The following MED23 variants were observed in gnomAD, a reference collection of about 807,000 sequenced individuals.
MED23 encodes mediator complex subunit 23.
Under a neutral mutation model 163.9 loss-of-function variants are expected in MED23, and 105 were observed. That is an observed-to-expected ratio of 0.64 (90% CI 0.55 to 0.75). The LOEUF (loss-of-function observed/expected upper bound fraction) is 0.75. Ranked by LOEUF, MED23 falls within the 30% of genes least tolerant of loss-of-function variation. MED23 has a pLI of 0.00. For synonymous variants in MED23, 561 were observed against 565.6 expected (o/e 0.99, Z 0.12); for missense variants, 1,054 against 1,649.0 (o/e 0.64, Z 6.25).
At chr6:131,579,097 C>A in intron 30 of MED23, 3 of 1,613,742 alleles carry the variant, frequency 1.9e-6, no homozygotes, top group Non-Finnish European at 2.5e-6. Context: ...TAACTCAAAA[C>A]TTTTTAATTT....
chr6:131,589,651 GCA>G, intron 27 of MED23, 55 bp from the exon 28 acceptor site: 10 of 1,556,014 alleles, frequency 6.4e-6, no homozygotes, highest in Non-Finnish European at 8.0e-6. Flanking sequence ...CAGTAATTCA[GCA>G]TGATGCAGCT....
intron 30 of MED23, among the ~76,000 whole-genome samples, chr6:131,574,829 A>G (rs1434883040): frequency 2.6e-5 from 4 of 152,196 alleles, no homozygotes; most frequent in African/African-American, 9.7e-5. Context: ...TATTATTTTT[A>G]CCTTACAGTT....
rs1378783420 is a variant in MED23 at position 131,619,887 on chromosome 6, T to C, written c.607A>G (p.Asn203Asp). The change falls in exon 8 of 29, where the codon AAC becomes GAC. Residue 203 changes from asparagine (N) to aspartate (D), a missense_variant. Physicochemically the swap from Asn to Asp is conservative, Grantham distance 23. Coordinates refer to ENST00000368068, the MANE Select transcript of MED23 (RefSeq NM_004830.4). ...GTATCCACAAAGTCTGATACTAGGTTTCCAAGTAACTAAAGAGAGAAAGAA... is the reference window on the plus strand; with the variant it reads ...GTATCCACAAAGTCTGATACTAGGTCTCCAAGTAACTAAAGAGAGAAAGAA... ...EGKLPHWLLGNLVSDFVDTFR... is the reference protein window; with the variant it reads ...EGKLPHWLLGDLVSDFVDTFR... 6.2e-7 allele frequency: 1 copy of C among 1,609,454 alleles called. No homozygotes were observed. Among genetic ancestry groups the C allele is most frequent in the Non-Finnish European group, 8.5e-7 (1 of 1,176,428 alleles).
At position 131,587,076 on chromosome 6, in the gene MED23, T is replaced by A. The variant is rs1004495741; in HGVS notation, c.*603A>T. The A allele has an allele frequency of 7.6e-7, 1 of 1,321,118 alleles. No individual in the cohort carries two copies. Among genetic ancestry groups the A allele is most frequent in the African/African-American group, 1.5e-5 (1 of 66,424 alleles). 81.8% of individuals were successfully genotyped at this position (1,321,118 alleles called of 1,614,324 possible). A position where few individuals can be genotyped will look rare whatever the true frequency, so the allele number is the denominator to read the frequency against. On this transcript the variant is annotated 3_prime_UTR_variant, in exon 29 of 29. Coordinates refer to ENST00000368068, the MANE Select transcript of MED23 (RefSeq NM_004830.4). ...ATTTTATACAGTAAGTTCAAGTCCA[T>A]AGCAAAGGTAATAAAACTGCCAGTT...
chr6:131,615,228 G>A (rs1776587055), intron 10 of MED23: 2 of 1,444,492 alleles, frequency 1.4e-6, no homozygotes, highest in South Asian at 2.3e-5. Flanking sequence ...CCAATTTCAA[G>A]CCCCGACCAT....
At chr6:131,577,331 G>GA (rs1200101587) in intron 30 of MED23, among the ~76,000 whole-genome samples, 14 of 152,156 alleles carry the variant, frequency 9.2e-5, no homozygotes, top group Admixed American at 9.2e-4. Context: ...CAGCCACTTT[G>GA]AAAGTAGGTG....
chr6:131,627,218 C>T lies in MED23; in HGVS notation c.159+178G>A. Reference sequence around the variant, plus strand: ...ACTTGACTTCTCAACACAGGTTTTCCACTGAAATATACAAATTAAAACAAA... The same window carrying T: ...ACTTGACTTCTCAACACAGGTTTTCTACTGAAATATACAAATTAAAACAAA... On this transcript the variant is annotated intron_variant, in intron 3 of 28. Transcript: ENST00000368068. 4.8e-6 allele frequency: 3 copies of T among 621,262 alleles called. No individual in the cohort carries two copies. The Admixed American group carries it at 9.3e-5, about 19-fold the overall frequency. The allele number at this position is 621,262 out of a possible 1,614,324, so 38.5% of individuals were successfully genotyped here.
At chr6:131,584,071 T>C (rs1306266187), downstream of MED23, 2 of 810,594 alleles carry the variant, frequency 2.5e-6, no homozygotes, top group Non-Finnish European at 1.9e-6. Context: ...AAATTCAAGA[T>C]GTGGAAATTC....
chr6:131,615,503 CAAAAAAAAAAAAAAAAAAA>C (rs917020235), intron 10 of MED23, among the ~76,000 whole-genome samples: 10 of 14,148 alleles, frequency 7.1e-4, no homozygotes, highest in Admixed American at 1.1e-3. Context: ...AAACACACAC[CAAAAAAAAAAAAAAAAAAA>C]AAAAAAAAAA....
downstream of MED23, among the ~76,000 whole-genome samples, chr6:131,586,257 A>C (rs773660767): frequency 1.3e-5 from 2 of 152,012 alleles, no homozygotes; most frequent in Non-Finnish European, 2.9e-5. Flanking sequence ...AAAATTAGCC[A>C]GGCGTGGTGG....
chr6:131,591,559 A>ATTTT, intron 25 of MED23, 32 bp from the exon 26 acceptor site: 1 of 1,489,572 alleles, frequency 6.7e-7, no homozygotes, highest in Non-Finnish European at 9.3e-7. Flanking sequence ...AGTGAAAAAT[A>ATTTT]TCACTTATCC....
intron 28 of MED23, among the ~76,000 whole-genome samples, chr6:131,589,065 G>A (rs1280853354): frequency 6.6e-6 from 1 of 152,072 alleles, no homozygotes; most frequent in African/African-American, 2.4e-5. Context: ...TAGTCTTCTA[G>A]TTATGCCGCG....
At chr6:131,596,850 T>C (rs182921459) in intron 20 of MED23, among the ~76,000 whole-genome samples, 162 bp from the exon 21 acceptor site, 1 of 152,336 alleles carries the variant, frequency 6.6e-6, no homozygotes, top group African/African-American at 2.4e-5. Context: ...CCCAAACATA[T>C]ATGACCTTTC....
chr6:131,577,909 A>G (rs953956817), intron 30 of MED23, among the ~76,000 whole-genome samples: 1 of 151,744 alleles, frequency 6.6e-6, no homozygotes, highest in African/African-American at 2.4e-5. Context: ...ATCTCCAAAA[A>G]AAAAAAAAAA....
Position 131,576,729 on chromosome 6 carries a change from G to GT in MED23, c.4096-2435_4096-2434insA. The GT allele has an allele frequency of 6.2e-7, 1 of 1,613,430 alleles. No individual in the cohort carries two copies. Among genetic ancestry groups the GT allele is most frequent in the Non-Finnish European group, 8.5e-7 (1 of 1,179,410 alleles). On this transcript the variant is annotated intron_variant, in intron 30 of 30. Coordinates refer to the MED23 transcript ENST00000354577. Reference sequence around the variant, plus strand: ...GGCTGGTCTGCTTGAGAAACTTAAAGAACAAGGTAATTTTTAAGTTGAAAA... The same window carrying GT: ...GGCTGGTCTGCTTGAGAAACTTAAAGTAACAAGGTAATTTTTAAGTTGAAAA...
At position 131,615,739 on chromosome 6, in the gene MED23, C is replaced by T. The variant is rs887219411; in HGVS notation, c.876+168G>A. 3 of 661,286 alleles carry T rather than the reference C, an allele frequency of 4.5e-6. No homozygotes were observed. In the African/African-American group the frequency reaches 5.5e-5, roughly 12 times the overall value. The allele number at this position is 661,286 out of a possible 1,614,324, so 41.0% of individuals were successfully genotyped here. ...TTTTTAAATTTAAACATTCTTAAAG[C>T]AATATATAAATGATAGGAATAATAC... On this transcript the variant is annotated intron_variant, in intron 10 of 28. Transcript: ENST00000368068.
chr6:131,607,168 CAA>C (rs904167560), intron 12 of MED23, among the ~76,000 whole-genome samples: 6 of 151,692 alleles, frequency 4.0e-5, no homozygotes, highest in African/African-American at 7.3e-5. Flanking sequence ...AAAGATGAAA[CAA>C]GAGTATTTCT....
chr6:131,598,804 A>G lies in MED23; in HGVS notation c.2221-43T>C. The G allele has an allele frequency of 6.4e-7, 1 of 1,562,770 alleles. No individual in the cohort carries two copies. Among genetic ancestry groups the G allele is most frequent in the Non-Finnish European group, 8.8e-7 (1 of 1,133,598 alleles). Reference sequence around the variant, plus strand: ...AGTTTATTTCATTGGTTATAGTAGAAAGAGCACTGGATATGGAGTTAATAA... The same window carrying G: ...AGTTTATTTCATTGGTTATAGTAGAGAGAGCACTGGATATGGAGTTAATAA... On this transcript the variant is annotated intron_variant, in intron 18 of 28. Coordinates refer to ENST00000368068, the MANE Select transcript of MED23 (RefSeq NM_004830.4). This position sits in a 1 kb window ranked among gnomAD's most constrained non-coding sequence, Gnocchi z 4.7.
At chr6:131,625,123 T>C in intron 3 of MED23, 134 bp from the exon 4 acceptor site, 1 of 1,072,080 alleles carries the variant, frequency 9.3e-7, no homozygotes. Flanking sequence ...ATGAAAATAA[T>C]TTTTAAAAAA....
Sources: allele counts gnomAD v4.1 joint callset (sites outside exome capture counted in the v4.1 genomes callset), GRCh38; gene constraint gnomAD v4.1.1; non-coding constraint Gnocchi (gnomAD v3.1); transcripts MANE v1.5; gene names NCBI Gene and HGNC (gene_info 2026-07-23, HGNC 2026-07-21).